The following C6 variants were observed in gnomAD, a reference collection of about 807,000 sequenced individuals.
C6 encodes the protein complement component C6.
C6 carries 101 observed loss-of-function variants against 112.9 expected under a neutral mutation model. The observed-to-expected ratio is 0.89, with a 90% CI of 0.76 to 1.06. The LOEUF (loss-of-function observed/expected upper bound fraction) is 1.06, where lower values mean the gene tolerates loss of function less well. Among genes scored for constraint, C6 ranks in the 50% least tolerant of loss-of-function variants. The pLI is 0.00. For missense variants in C6, 1,202 were observed against 1,104.6 expected (o/e 1.09, Z -1.25); for synonymous variants, 431 against 384.1 (o/e 1.12, Z -1.43).
At chr5:41,216,798 T>C (rs1242442718), upstream of C6, among the ~76,000 whole-genome samples, 2 of 152,118 alleles carry the variant, frequency 1.3e-5, no homozygotes, top group Non-Finnish European at 2.9e-5. Flanking sequence ...ACTCCTCCTG[T>C]AATTTCTTCT....
In C6 at chr5:41,160,142, T is replaced by G; in HGVS notation, c.1684A>C (p.Asn562His). Residue 562 changes from asparagine to histidine, a missense_variant and splice_region_variant, in exon 11 of 18, where the codon AAT becomes CAT. Asn to His is a moderately conservative substitution (Grantham distance 68). Coordinates refer to ENST00000337836, the MANE Select transcript of C6 (RefSeq NM_000065.5). ...CTCACAATAGATTCCTGATACTTAC[T>G]GGATTTATAATCTGGAGACTGTTTC... Reference protein sequence around the residue: ...CEKQSPDYKSNAVDGQWGCWS... With the variant: ...CEKQSPDYKSHAVDGQWGCWS... 1 of 1,606,316 alleles carries G rather than the reference T, an allele frequency of 6.2e-7. No homozygotes were observed. Among genetic ancestry groups the G allele is most frequent in the Non-Finnish European group, 8.5e-7 (1 of 1,172,948 alleles).
chr5:41,171,429 TA>T, intron 9 of C6, among the ~76,000 whole-genome samples: 1 of 152,282 alleles, frequency 6.6e-6, no homozygotes, highest in African/African-American at 2.4e-5. Context: ...GGCTATAATG[TA>T]AAGGCTATGC....
chr5:41,152,699 G>C (rs908483707), intron 15 of C6: 2 of 152,100 alleles, frequency 1.3e-5, no homozygotes, highest in Non-Finnish European at 2.9e-5. Flanking sequence ...CTATCCTTCC[G>C]GTAAGGCTTT....
intron 5 of C6, among the ~76,000 whole-genome samples, chr5:41,194,054 C>G (rs1750425767): frequency 1.3e-5 from 2 of 152,216 alleles, no homozygotes; most frequent in South Asian, 4.2e-4. Context: ...TGGTCCTCCC[C>G]ATCTGTAACT....
intron 9 of C6, among the ~76,000 whole-genome samples, chr5:41,169,230 C>T (rs1388813320): frequency 6.6e-6 from 1 of 152,076 alleles, no homozygotes; most frequent in Non-Finnish European, 1.5e-5. Context: ...GTCTCATTCT[C>T]CCTGTGACTC....
chr5:41,197,933 T>C (rs541919941), intron 4 of C6, among the ~76,000 whole-genome samples: 2 of 152,338 alleles, frequency 1.3e-5, no homozygotes, highest in Admixed American at 1.3e-4. Context: ...CATGCATGTA[T>C]ACATTTACAC....
intron 15 of C6, among the ~76,000 whole-genome samples, chr5:41,152,487 G>T (rs1172409863): frequency 6.6e-6 from 1 of 152,158 alleles, no homozygotes; most frequent in East Asian, 1.9e-4. Flanking sequence ...AATTGTCAAG[G>T]CAGGACTGGA....
At chr5:41,166,866 T>C (rs1748022977) in intron 9 of C6, among the ~76,000 whole-genome samples, 1 of 152,130 alleles carries the variant, frequency 6.6e-6, no homozygotes, top group Non-Finnish European at 1.5e-5. Flanking sequence ...AAATAGCTAT[T>C]ACATCTTTAG....
intron 1 of C6, among the ~76,000 whole-genome samples, chr5:41,240,980 T>G (rs1340185346): frequency 6.6e-6 from 1 of 152,134 alleles, no homozygotes; most frequent in Non-Finnish European, 1.5e-5. Context: ...TGTGTGCACC[T>G]GGGGTGACTT....
intron 3 of C6, among the ~76,000 whole-genome samples, chr5:41,200,514 G>T (rs1750930703): frequency 6.6e-6 from 1 of 152,074 alleles, no homozygotes; most frequent in Non-Finnish European, 1.5e-5. Flanking sequence ...CCCCAAATGA[G>T]CAATAACTTT....
chr5:41,229,488 T>A (rs1211273826), intron 1 of C6, among the ~76,000 whole-genome samples: 2 of 152,150 alleles, frequency 1.3e-5, no homozygotes, highest in African/African-American at 4.8e-5. Flanking sequence ...ATTTTCAAAT[T>A]TTCCTCCTGT....
chr5:41,250,737 C>A (rs1009977681), intron 1 of C6, among the ~76,000 whole-genome samples: 2 of 152,106 alleles, frequency 1.3e-5, no homozygotes, highest in Non-Finnish European at 2.9e-5. Context: ...CCAGGTAAGC[C>A]ACAGTAAACC....
At chr5:41,186,996 T>C (rs1749823505) in intron 5 of C6, among the ~76,000 whole-genome samples, 1 of 152,158 alleles carries the variant, frequency 6.6e-6, no homozygotes, top group African/African-American at 2.4e-5. Context: ...AAAAGTAGTT[T>C]TTTTGTCAAA....
In C6 at chr5:41,196,273, G is replaced by A. The variant is rs116741215; in HGVS notation, c.446-340C>T. On this transcript the variant is annotated intron_variant, in intron 4 of 17. Transcript: ENST00000337836. ...TCAGAATTTTGTTTTGATCTAGGAT[G>A]GGAGACTCAAGGTCACTGTTTTTAT... Among the ~76,000 whole-genome samples the A allele has an allele frequency of 3.7e-3, 564 of 151,896 alleles. 5 individuals are homozygous for A. Among genetic ancestry groups the A allele is most frequent in the African/African-American group, 0.013 (547 of 41,426 alleles).
chr5:41,172,882 C>T (rs529368165), intron 8 of C6, among the ~76,000 whole-genome samples: 31 of 152,226 alleles, frequency 2.0e-4, no homozygotes, highest in African/African-American at 6.3e-4. Context: ...ATGCTTCTTC[C>T]GTGAACACTC....
At chr5:41,158,162 T>C (rs931692448) in intron 13 of C6, among the ~76,000 whole-genome samples, 1 of 152,006 alleles carries the variant, frequency 6.6e-6, no homozygotes, top group African/African-American at 2.4e-5. Flanking sequence ...TGTATTCAGC[T>C]TTTAAAAAAA....
intron 4 of C6, among the ~76,000 whole-genome samples, chr5:41,196,845 A>T (rs1750656923): frequency 6.6e-6 from 1 of 152,208 alleles, no homozygotes; most frequent in Middle Eastern, 3.4e-3. Flanking sequence ...ACTGAATTTC[A>T]TAAGGATCCT....
At chr5:41,242,989 G>C (rs1032040265) in intron 1 of C6, among the ~76,000 whole-genome samples, 1 of 152,096 alleles carries the variant, frequency 6.6e-6, no homozygotes, top group Non-Finnish European at 1.5e-5. Flanking sequence ...GGTTGCAGAG[G>C]CTGGGGATGG....
intron 1 of C6, among the ~76,000 whole-genome samples, chr5:41,227,289 T>G (rs1030776362): frequency 6.6e-6 from 1 of 151,168 alleles, no homozygotes; most frequent in African/African-American, 2.4e-5. Flanking sequence ...CTTTTGCCCA[T>G]TTTTTAATTG....
Sources: allele counts gnomAD v4.1 joint callset (sites outside exome capture counted in the v4.1 genomes callset), GRCh38; gene constraint gnomAD v4.1.1; transcripts MANE v1.5; gene names NCBI Gene and HGNC (gene_info 2026-07-23, HGNC 2026-07-21).